Variants in PDE4D observed in about 807,000 individuals in gnomAD.
The protein encoded by PDE4D is 3',5'-cyclic-AMP phosphodiesterase 4D.
PDE4D carries 24 observed loss-of-function variants against 87.4 expected under a neutral mutation model. That is an observed-to-expected ratio of 0.27 (90% CI 0.20 to 0.39). The LOEUF (loss-of-function observed/expected upper bound fraction) is 0.39, where lower values mean the gene tolerates loss of function less well. Ranked by LOEUF, PDE4D falls within the 10% of genes least tolerant of loss-of-function variation. The pLI is 1.00. For synonymous variants in PDE4D, 384 were observed against 383.2 expected, an observed-to-expected ratio of 1.00 and a Z score of -0.02; for missense variants, 714 against 1,041.0, an observed-to-expected ratio of 0.69 and a Z score of 4.32.
At position 58,977,175 on chromosome 5, in the gene PDE4D, T is replaced by G. The variant is rs1215531906; in HGVS notation, c.1707+16A>C. 1.9e-6 allele frequency: 3 copies of G among 1,598,352 alleles called. No homozygotes were observed. Among genetic ancestry groups the G allele is most frequent in the Non-Finnish European group, 2.6e-6 (3 of 1,175,158 alleles). On this transcript the variant is annotated intron_variant, in intron 12 of 14. Transcript: ENST00000340635. ...TGCATCACAGTTCTCTTCTTTGGCT[T>G]TTATCAGCTACTTACGATGTCAATG... is the stretch of plus-strand genomic sequence containing the variant.
At chr5:59,435,365 T>C (rs996664902) in intron 1 of PDE4D, among the ~76,000 whole-genome samples, 4 of 152,168 alleles carry the variant, frequency 2.6e-5, no homozygotes, top group African/African-American at 9.6e-5. Context: ...TCTCCCTTCC[T>C]CTCCTGTATC....
At chr5:59,028,380 A>G (rs1159728322) in intron 6 of PDE4D, among the ~76,000 whole-genome samples, 2 of 151,688 alleles carry the variant, frequency 1.3e-5, no homozygotes, top group African/African-American at 2.4e-5. Context: ...AGGATGGCAG[A>G]CACCCTTCTC....
chr5:59,422,440 C>T (rs1400009275), intron 1 of PDE4D, among the ~76,000 whole-genome samples: 1 of 152,104 alleles, frequency 6.6e-6, no homozygotes, highest in African/African-American at 2.4e-5. Context: ...CTTCTTTTGC[C>T]TTTGAAAGGT....
At chr5:60,110,874 A>G (rs1777605190) in intron 2 of PDE4D, among the ~76,000 whole-genome samples, 1 of 152,112 alleles carries the variant, frequency 6.6e-6, no homozygotes, top group Non-Finnish European at 1.5e-5. Flanking sequence ...AACCTGGAGG[A>G]TATTATGTTA....
chr5:58,999,390 T>C (rs867488713), intron 6 of PDE4D: 11 of 501,578 alleles, frequency 2.2e-5, no homozygotes, highest in South Asian at 3.8e-5. Flanking sequence ...AAGGAAAGAA[T>C]ACATAACTGA....
chr5:59,143,173 C>G (rs1778159406), intron 5 of PDE4D, among the ~76,000 whole-genome samples: 1 of 150,760 alleles, frequency 6.6e-6, no homozygotes, highest in African/African-American at 2.4e-5. Flanking sequence ...TCCCTCCTTC[C>G]CTCCCTCCCT....
chr5:60,502,632 A>C (rs1750139844), intron 1 of PDE4D, among the ~76,000 whole-genome samples: 1 of 152,178 alleles, frequency 6.6e-6, no homozygotes, highest in Non-Finnish European at 1.5e-5. Flanking sequence ...TCAATCTGAC[A>C]AAGGAGAGAG....
At chr5:59,993,002 C>G (rs552990043) in intron 2 of PDE4D, among the ~76,000 whole-genome samples, 1 of 152,070 alleles carries the variant, frequency 6.6e-6, no homozygotes, top group Admixed American at 6.5e-5. Flanking sequence ...AAACTAATCA[C>G]CAGAGCAATA....
chr5:59,960,634 C>T (rs372898129), intron 3 of PDE4D, among the ~76,000 whole-genome samples: 2 of 152,070 alleles, frequency 1.3e-5, no homozygotes, highest in East Asian at 3.9e-4. Context: ...CATGTTTTCA[C>T]TTATAAGTGG....
intron 1 of PDE4D, among the ~76,000 whole-genome samples, chr5:60,496,068 G>A (rs977528249): frequency 6.6e-6 from 1 of 152,276 alleles, no homozygotes; most frequent in African/African-American, 2.4e-5. Flanking sequence ...GCTCCTGTGA[G>A]TCTTGGCTAT....
chr5:58,999,728 A>T, intron 6 of PDE4D: 1 of 1,058,990 alleles, frequency 9.4e-7, no homozygotes, highest in Non-Finnish European at 1.1e-6. Context: ...CTTCCCATCG[A>T]ATACATGCCA....
chr5:60,400,439 G>A lies in PDE4D; in HGVS notation c.-90+87503C>T, dbSNP rs1048310163. Among the ~76,000 whole-genome samples, 29 of 139,256 alleles carry A rather than the reference G, an allele frequency of 2.1e-4. 1 individual carries two copies. The highest frequency in any genetic ancestry group is 3.7e-4 in the African/African-American group (14 of 37,562). The allele number at this position is 139,256 out of a possible 152,430, so 91.4% of individuals were successfully genotyped here. On this transcript the variant is annotated intron_variant, in intron 1 of 16. Coordinates refer to the PDE4D transcript ENST00000502484. ...CGGGAGGCTGAGGCAGGAGAATGGCGTGAACCCGGAAGGCAGAGCTTGCAG... is the reference window on the plus strand; with the variant it reads ...CGGGAGGCTGAGGCAGGAGAATGGCATGAACCCGGAAGGCAGAGCTTGCAG...
rs1406662972 is a variant in PDE4D at position 59,318,931 on chromosome 5, A to G, written c.456-102963T>C. Among the ~76,000 whole-genome samples the G allele has an allele frequency of 2.0e-5, 3 of 152,104 alleles. No individual in the cohort carries two copies. In the East Asian group the frequency reaches 5.8e-4, roughly 29 times the overall value. ...CGATTTGGAAAATTCTTTTATCTTA[A>G]TAAAAAAAAGACCATAGCCCTTCTG... is the stretch of plus-strand genomic sequence containing the variant. On this transcript the variant is annotated intron_variant, in intron 1 of 14. Coordinates refer to ENST00000340635, the MANE Select transcript of PDE4D (RefSeq NM_001104631.2).
chr5:59,493,424 G>A (rs1304751384), intron 1 of PDE4D, among the ~76,000 whole-genome samples: 1 of 152,180 alleles, frequency 6.6e-6, no homozygotes, highest in East Asian at 1.9e-4. Flanking sequence ...CTGGAATCGA[G>A]TTTACTATTT....
intron 1 of PDE4D, among the ~76,000 whole-genome samples, chr5:59,463,196 AT>A (rs1305504505): frequency 2.6e-5 from 4 of 152,194 alleles, no homozygotes; most frequent in Admixed American, 1.3e-4. Flanking sequence ...TAAAATAATA[AT>A]TTGGATGGAG....
At chr5:60,415,801 G>A (rs943408733) in intron 1 of PDE4D, among the ~76,000 whole-genome samples, 1 of 152,250 alleles carries the variant, frequency 6.6e-6, no homozygotes, top group Non-Finnish European at 1.5e-5. Flanking sequence ...GAGGAGTGCA[G>A]GCGTAGGGCG....
At chr5:59,835,137 TTG>T (rs776223232) in intron 1 of PDE4D, among the ~76,000 whole-genome samples, 23 of 152,130 alleles carry the variant, frequency 1.5e-4, no homozygotes, top group South Asian at 2.1e-4. Context: ...GTTTGAGTCC[TTG>T]ATTTGTTATT....
rs1769238163 is a variant in PDE4D, at chr5:60,046,288, G to C, written c.43-57571C>G. ...TGGGCTGAGACAATGGGGTTTTCTAGATATACAATCATGTCGTCTGCAAAC... is the reference window on the plus strand; with the variant it reads ...TGGGCTGAGACAATGGGGTTTTCTACATATACAATCATGTCGTCTGCAAAC... On this transcript the variant is annotated intron_variant, in intron 2 of 16. Transcript: ENST00000502484. Among the ~76,000 whole-genome samples the C allele has an allele frequency of 7.2e-5, 11 of 152,152 alleles. No homozygotes were observed. In the South Asian group the frequency reaches 2.3e-3, roughly 32 times the overall value.
chr5:59,841,649 T>A (rs1743007967), intron 1 of PDE4D, among the ~76,000 whole-genome samples: 1 of 151,908 alleles, frequency 6.6e-6, no homozygotes, highest in African/African-American at 2.4e-5. Flanking sequence ...TACAATTCAA[T>A]GAGATGAGGG....
Sources: allele counts gnomAD v4.1 joint callset (sites outside exome capture counted in the v4.1 genomes callset), GRCh38; gene constraint gnomAD v4.1.1; transcripts MANE v1.5; gene names NCBI Gene and HGNC (gene_info 2026-07-23, HGNC 2026-07-21).